The following PRTFDC1 variants were observed in gnomAD, a reference collection of about 807,000 sequenced individuals.
The protein encoded by PRTFDC1 is phosphoribosyl transferase domain containing 1.
A neutral mutation model predicts 34.6 loss-of-function variants in PRTFDC1; 38 were observed. The observed-to-expected ratio is 1.10, with a 90% CI of 0.85 to 1.44. The LOEUF is 1.44. Ranked by LOEUF, PRTFDC1 falls within the 40% of genes most tolerant of loss-of-function variation. PRTFDC1 has a pLI of 0.00. For missense variants in PRTFDC1, 270 were observed against 283.0 expected (o/e 0.95, Z 0.33); for synonymous variants, 93 against 98.1 (o/e 0.95, Z 0.31).
intron 3 of PRTFDC1, among the ~76,000 whole-genome samples, chr10:24,883,081 TAAACACATAGAATATAAATATAA>T: frequency 1.3e-5 from 2 of 148,282 alleles, no homozygotes; most frequent in Non-Finnish European, 3.0e-5. Context: ...TATTTATATA[TAAACACATAGAATATAAATATAA>T]ATGTATTATA....
intron 3 of PRTFDC1, among the ~76,000 whole-genome samples, chr10:24,933,351 T>TA (rs1848997350): frequency 6.6e-6 from 1 of 152,024 alleles, no homozygotes; most frequent in Non-Finnish European, 1.5e-5. Flanking sequence ...ACATATCTAA[T>TA]AAAAAATTCA....
Position 24,929,055 on chromosome 10 carries a change from AGAAAGAAAGAAAGAAAG to A in PRTFDC1, c.339+8112_339+8128del, listed in dbSNP as rs1353942603. On this transcript the variant is annotated intron_variant, in intron 3 of 8. Coordinates refer to ENST00000320152, the MANE Select transcript of PRTFDC1 (RefSeq NM_020200.7). Reference sequence around the variant, plus strand: ...GACTCCGTCTCAAAAAAAAAAAAAAAGAAAGAAAGAAAGAAAGAAAGGGAGGCTTTCAATTCCAGGCA... The same window carrying A: ...GACTCCGTCTCAAAAAAAAAAAAAAAAAAGGGAGGCTTTCAATTCCAGGCA... Among the ~76,000 whole-genome samples the A allele has an allele frequency of 1.0e-3, 109 of 105,100 alleles. 12 individuals are homozygous for A. Among genetic ancestry groups the A allele is most frequent in the African/African-American group, 3.3e-3 (89 of 26,762 alleles). The allele number at this position is 105,100 out of a possible 152,430, so 68.9% of individuals were successfully genotyped here. A position where few individuals can be genotyped will look rare whatever the true frequency, so the allele number is the denominator to read the frequency against.
chr10:24,872,121 G>A, intron 3 of PRTFDC1, 58 bp from the exon 4 acceptor site: 2 of 1,453,372 alleles, frequency 1.4e-6, no homozygotes, highest in Non-Finnish European at 9.6e-7. Context: ...AACCTTTAAA[G>A]CACATTTTCC....
chr10:24,889,821 G>A (rs999668684), intron 3 of PRTFDC1, among the ~76,000 whole-genome samples: 19 of 152,196 alleles, frequency 1.2e-4, no homozygotes, highest in Non-Finnish European at 2.2e-4. Flanking sequence ...TCAGTATTAA[G>A]TCATGTCTTC....
intron 3 of PRTFDC1, among the ~76,000 whole-genome samples, chr10:24,894,861 C>A (rs1365014561): frequency 6.6e-6 from 1 of 152,138 alleles, no homozygotes; most frequent in Non-Finnish European, 1.5e-5. Flanking sequence ...GCCCCAAATG[C>A]AGCCTGGCTC....
chr10:24,933,145 T>C (rs1437316951), intron 3 of PRTFDC1, among the ~76,000 whole-genome samples: 2 of 151,554 alleles, frequency 1.3e-5, no homozygotes, highest in Non-Finnish European at 2.9e-5. Context: ...TAAATTTAAA[T>C]CTAAAACTAT....
chr10:24,918,541 C>T (rs552075236), intron 3 of PRTFDC1, among the ~76,000 whole-genome samples: 16 of 152,128 alleles, frequency 1.1e-4, no homozygotes, highest in African/African-American at 3.9e-4. Flanking sequence ...CTCAGCCTCC[C>T]AAGGGCTGTG....
chr10:24,942,661 A>T (rs1313656052), intron 1 of PRTFDC1, among the ~76,000 whole-genome samples: 1 of 152,092 alleles, frequency 6.6e-6, no homozygotes, highest in African/African-American at 2.4e-5. Context: ...TTTGTTTGAG[A>T]CTTTGAGACA....
chr10:24,878,687 A>G (rs914708765), intron 3 of PRTFDC1, among the ~76,000 whole-genome samples: 2 of 152,210 alleles, frequency 1.3e-5, no homozygotes. Flanking sequence ...TTCCTCACCA[A>G]ACAGACAATT....
chr10:24,920,319 A>G (rs907303268), intron 3 of PRTFDC1, among the ~76,000 whole-genome samples: 7 of 150,504 alleles, frequency 4.7e-5, no homozygotes, highest in South Asian at 2.1e-4. Context: ...ATGTGTGTGT[A>G]TATATATATA....
At chr10:24,888,628 C>A (rs1848210119) in intron 3 of PRTFDC1, among the ~76,000 whole-genome samples, 1 of 152,110 alleles carries the variant, frequency 6.6e-6, no homozygotes, top group Non-Finnish European at 1.5e-5. Context: ...ATTCATGTAG[C>A]TAAAATTTGT....
intron 3 of PRTFDC1, among the ~76,000 whole-genome samples, chr10:24,889,025 C>T (rs1024920520): frequency 1.3e-5 from 2 of 152,148 alleles, no homozygotes; most frequent in Non-Finnish European, 2.9e-5. Flanking sequence ...TGTTACCCCC[C>T]TCCCCGACCC....
intron 3 of PRTFDC1, among the ~76,000 whole-genome samples, chr10:24,936,475 A>C (rs949375993): frequency 2.6e-5 from 4 of 152,142 alleles, no homozygotes; most frequent in Non-Finnish European, 5.9e-5. Context: ...GTATATAGAC[A>C]GGGACTCACT....
At chr10:24,933,718 G>T (rs1373019463) in intron 3 of PRTFDC1, among the ~76,000 whole-genome samples, 1 of 147,804 alleles carries the variant, frequency 6.8e-6, no homozygotes, top group Non-Finnish European at 1.5e-5. Flanking sequence ...TTTTGAGATG[G>T]AGTCTCATTC....
chr10:24,947,907 A>G (rs770485335), intron 1 of PRTFDC1, among the ~76,000 whole-genome samples: 1 of 152,054 alleles, frequency 6.6e-6, no homozygotes, highest in African/African-American at 2.4e-5. Flanking sequence ...CCACCTCACA[A>G]CCATACATCT....
At chr10:24,920,543 T>C (rs897720350) in intron 3 of PRTFDC1, among the ~76,000 whole-genome samples, 3 of 151,244 alleles carry the variant, frequency 2.0e-5, no homozygotes, top group African/African-American at 7.4e-5. Flanking sequence ...GGATGGAAGA[T>C]GCGGCGACAG....
intron 3 of PRTFDC1, among the ~76,000 whole-genome samples, chr10:24,914,514 C>T (rs1213644296): frequency 6.6e-6 from 1 of 152,150 alleles, no homozygotes; most frequent in Non-Finnish European, 1.5e-5. Flanking sequence ...TACTTCTTGG[C>T]ATCTGGCACA....
intron 3 of PRTFDC1, among the ~76,000 whole-genome samples, chr10:24,920,017 T>A (rs1290514243): frequency 6.6e-6 from 1 of 152,190 alleles, no homozygotes; most frequent in Non-Finnish European, 1.5e-5. Context: ...GCTTTTACCC[T>A]GTTGGTGGGA....
At chr10:24,935,105 G>C (rs547651602) in intron 3 of PRTFDC1, among the ~76,000 whole-genome samples, 72 of 152,258 alleles carry the variant, frequency 4.7e-4, no homozygotes, top group Non-Finnish European at 6.0e-4. Context: ...TAAGGAAACT[G>C]TTCTATATCT....
Sources: gnomAD v4.1 joint callset for allele counts (sites outside exome capture counted in the v4.1 genomes callset) on GRCh38, gnomAD v4.1.1 for gene constraint, MANE v1.5 for transcripts, NCBI Gene and HGNC (gene_info 2026-07-23, HGNC 2026-07-21) for gene names.